Variants in OTX1 observed in about 807,000 individuals in gnomAD.
The protein encoded by OTX1 is homeobox protein OTX1.
OTX1 carries 7 observed loss-of-function variants against 26.7 expected under a neutral mutation model. The observed-to-expected ratio is 0.26, with a 90% CI of 0.15 to 0.49. The LOEUF is 0.49. OTX1 is among the 20% of genes least tolerant of loss of function. OTX1 has a pLI of 0.98. For synonymous variants in OTX1, 216 were observed against 212.8 expected, an observed-to-expected ratio of 1.01 and a Z score of -0.13; for missense variants, 414 against 483.8, an observed-to-expected ratio of 0.86 and a Z score of 1.35.
intron 3 of OTX1, 186 bp from the exon 4 acceptor site, chr2:63,053,861 G>C: frequency 1.6e-6 from 1 of 610,230 alleles, no homozygotes; most frequent in Non-Finnish European, 2.9e-6. Context: ...GCTTCTAGTC[G>C]CACATCTGCA....
Position 63,055,458 on chromosome 2 carries a change from C to T in OTX1, c.250-43C>T, listed in dbSNP as rs2062056690. 6.4e-7 allele frequency: 1 copy of T among 1,574,102 alleles called. No homozygotes were observed. The highest frequency in any genetic ancestry group is 8.6e-7 in the Non-Finnish European group (1 of 1,156,370). Reference sequence around the variant, plus strand: ...CGGGGCGGTGGAGCAACAAGCTCCCCTAGCTCCCTTTGACCCACTCTCCCC... The same window carrying T: ...CGGGGCGGTGGAGCAACAAGCTCCCTTAGCTCCCTTTGACCCACTCTCCCC... On this transcript the variant is annotated intron_variant, in intron 4 of 4. Coordinates refer to ENST00000282549, the MANE Select transcript of OTX1 (RefSeq NM_014562.4). The surrounding 1 kb of genome is among the most constrained non-coding windows in gnomAD (Gnocchi z 5.2).
Position 63,054,217 on chromosome 2 carries a change from C to A in OTX1, c.249+19C>A. On this transcript the variant is annotated intron_variant, in intron 4 of 4. Coordinates refer to ENST00000282549, the MANE Select transcript of OTX1 (RefSeq NM_014562.4). Reference sequence around the variant, plus strand: ...AGTCCAGGTGCGCACTCCCCGGGCTCCAGGGTCTGGGTAGGGGAGCTGAGG... The same window carrying A: ...AGTCCAGGTGCGCACTCCCCGGGCTACAGGGTCTGGGTAGGGGAGCTGAGG... 1 of 1,571,862 alleles carries A rather than the reference C, an allele frequency of 6.4e-7. No homozygotes were observed. Among genetic ancestry groups the A allele is most frequent in the South Asian group, 1.2e-5 (1 of 84,346 alleles).
chr2:63,051,584 C>T (rs1021403677), intron 2 of OTX1: 1 of 152,364 alleles, frequency 6.6e-6, no homozygotes, highest in African/African-American at 2.4e-5. Context: ...TTCGCAAAGC[C>T]GTCGCAGCTT....
At position 63,055,406 on chromosome 2, in the gene OTX1, G is replaced by A; in HGVS notation, c.250-95G>A. 3 of 1,337,108 alleles carry A rather than the reference G, an allele frequency of 2.2e-6. No homozygotes were observed. Among genetic ancestry groups the A allele is most frequent in the Middle Eastern group, 2.7e-4 (1 of 3,704 alleles). The allele number at this position is 1,337,108 out of a possible 1,614,324, so 82.8% of individuals were successfully genotyped here. On this transcript the variant is annotated intron_variant, in intron 4 of 4. Coordinates refer to ENST00000282549, the MANE Select transcript of OTX1 (RefSeq NM_014562.4). This position sits in a 1 kb window ranked among gnomAD's most constrained non-coding sequence, Gnocchi z 5.2. ...GGAGGCCTCGGTGAGAAAGGATTGC[G>A]ATATTCTGGACCGGGAGTTGGGTCC... is the stretch of plus-strand genomic sequence containing the variant.
rs2062069710 is a variant in OTX1, at chr2:63,056,563, A to C, written c.*247A>C. On this transcript the variant is annotated 3_prime_UTR_variant, in exon 5 of 5. Coordinates refer to ENST00000282549, the MANE Select transcript of OTX1 (RefSeq NM_014562.4). ...CTTCGGCTTGGCCTACACATTCTAT[A>C]CAGGAGAGATGTATTATTTCCCCCC... 6 of 575,330 alleles carry C rather than the reference A, an allele frequency of 1.0e-5. No homozygotes were observed. In the Middle Eastern group the frequency reaches 1.8e-3, roughly 174 times the overall value. The allele number at this position is 575,330 out of a possible 1,614,324, so 35.6% of individuals were successfully genotyped here.
Position 63,056,404 on chromosome 2 carries a change from GCCTCGT to G in OTX1, c.*90_*95del, listed in dbSNP as rs2062068488. ...TGCTGCTGCTGCACCGCCCGCCTTT[GCCTCGT>G]CTTCTCCAAAACTGAATTTTCACCC... On this transcript the variant is annotated 3_prime_UTR_variant, in exon 5 of 5. Coordinates refer to ENST00000282549, the MANE Select transcript of OTX1 (RefSeq NM_014562.4). 4.2e-6 allele frequency: 5 copies of G among 1,198,022 alleles called. No individual in the cohort carries two copies. The South Asian group carries it at 5.7e-5, about 14-fold the overall frequency. The allele number at this position is 1,198,022 out of a possible 1,614,324, so 74.2% of individuals were successfully genotyped here. A position where few individuals can be genotyped will look rare whatever the true frequency, so the allele number is the denominator to read the frequency against.
In OTX1 at chr2:63,055,401, A is replaced by G. The variant is rs569334259; in HGVS notation, c.250-100A>G. 5 of 1,299,632 alleles carry G rather than the reference A, an allele frequency of 3.8e-6. No individual in the cohort carries two copies. In the African/African-American group the frequency reaches 5.9e-5, roughly 15 times the overall value. 80.5% of individuals were successfully genotyped at this position (1,299,632 alleles called of 1,614,324 possible). A position where few individuals can be genotyped will look rare whatever the true frequency, so the allele number is the denominator to read the frequency against. On this transcript the variant is annotated intron_variant, in intron 4 of 4. Coordinates refer to ENST00000282549, the MANE Select transcript of OTX1 (RefSeq NM_014562.4). The surrounding 1 kb of genome is among the most constrained non-coding windows in gnomAD (Gnocchi z 5.2). ...GGGGCGGAGGCCTCGGTGAGAAAGG[A>G]TTGCGATATTCTGGACCGGGAGTTG...
In OTX1 at chr2:63,052,881, C is replaced by A; in HGVS notation, c.-110C>A. 1 of 688,488 alleles carries A rather than the reference C, an allele frequency of 1.5e-6. No homozygotes were observed. Among genetic ancestry groups the A allele is most frequent in the Non-Finnish European group, 2.5e-6 (1 of 400,064 alleles). 42.6% of individuals were successfully genotyped at this position (688,488 alleles called of 1,614,324 possible). A position where few individuals can be genotyped will look rare whatever the true frequency, so the allele number is the denominator to read the frequency against. On this transcript the variant is annotated splice_region_variant and 5_prime_UTR_variant, in exon 3 of 5. Transcript: ENST00000282549. ...TCCGTGTGTCTCGTGTCTTCATAGGCCAGGCCCCCAGACGCATCAGACCCT... is the reference window on the plus strand; with the variant it reads ...TCCGTGTGTCTCGTGTCTTCATAGGACAGGCCCCCAGACGCATCAGACCCT...
In OTX1 at chr2:63,056,349, T is replaced by C. The variant is rs764419926; in HGVS notation, c.*33T>C. The C allele has an allele frequency of 6.4e-7, 1 of 1,556,716 alleles. No individual in the cohort carries two copies. Among genetic ancestry groups the C allele is most frequent in the Non-Finnish European group, 8.8e-7 (1 of 1,138,340 alleles). On this transcript the variant is annotated 3_prime_UTR_variant, in exon 5 of 5. Coordinates refer to ENST00000282549, the MANE Select transcript of OTX1 (RefSeq NM_014562.4). ...AATGAAAGAGGAGAAGAAACGCAAC[T>C]ACCTGCGCCCTCCGTGGTCCCGATC...
rs1353920473 is a variant in OTX1, at chr2:63,054,463, C to T, written c.249+265C>T. ...GTATCGAAAGTACTTTTTAGAATTG[C>T]CGGAGGACTAGGGAAGCTCCCGAAT... On this transcript the variant is annotated intron_variant, in intron 4 of 4. Transcript: ENST00000282549. Among the ~76,000 whole-genome samples, 4 of 152,246 alleles carry T rather than the reference C, an allele frequency of 2.6e-5. No individual in the cohort carries two copies. In the East Asian group the frequency reaches 7.7e-4, roughly 29 times the overall value.
chr2:63,052,370 GA>G (rs1212618440), intron 2 of OTX1, among the ~76,000 whole-genome samples: 4 of 152,290 alleles, frequency 2.6e-5, no homozygotes, highest in African/African-American at 9.6e-5. Context: ...CGCAGCCCTG[GA>G]GACCTTTAAA....
At chr2:63,054,023 C>T in intron 3 of OTX1, 24 bp from the exon 4 acceptor site, 14 of 1,604,214 alleles carry the variant, frequency 8.7e-6, no homozygotes, top group Non-Finnish European at 1.1e-5. Flanking sequence ...CAATGACCCG[C>T]GGCGCCCCCG....
In OTX1 at chr2:63,052,936, G is replaced by C. The variant is rs757472654; in HGVS notation, c.-55G>C. On this transcript the variant is annotated 5_prime_UTR_variant, in exon 3 of 5. Transcript: ENST00000282549. The stretch of plus-strand genomic sequence containing the variant: ...GACTGCGTGGTGGGAGCCCTGCACC[G>C]CTCCTGGCCCCGGGCCCCCTGGATC... The C allele has an allele frequency of 1.9e-5, 23 of 1,229,390 alleles. No individual in the cohort carries two copies. Among genetic ancestry groups the C allele is most frequent in the Non-Finnish European group, 2.5e-5 (21 of 844,708 alleles). The allele number at this position is 1,229,390 out of a possible 1,614,324, so 76.2% of individuals were successfully genotyped here. A position where few individuals can be genotyped will look rare whatever the true frequency, so the allele number is the denominator to read the frequency against.
At chr2:63,053,820 GA>G in intron 3 of OTX1, 1 of 565,682 alleles carries the variant, frequency 1.8e-6, no homozygotes, top group South Asian at 2.2e-5. Flanking sequence ...GAGGCATAGA[GA>G]GGGGCAGCCC....
At chr2:63,052,740 G>A in intron 2 of OTX1, 140 bp from the exon 3 acceptor site, 1 of 479,222 alleles carries the variant, frequency 2.1e-6, no homozygotes, top group South Asian at 2.9e-5. Flanking sequence ...AGTAACTGTG[G>A]TTTCTGGGCT....
rs1454972295 is a variant in OTX1, at chr2:63,057,179, A to G, written c.*863A>G. 1 of 151,840 alleles carries G rather than the reference A, an allele frequency of 6.6e-6. No homozygotes were observed. The highest frequency in any genetic ancestry group is 2.4e-5 in the African/African-American group (1 of 41,336). 9.4% of individuals were successfully genotyped at this position (151,840 alleles called of 1,614,324 possible). ...TATATACACATATATAAAAAACAAA[A>G]GCAAAAAATATTTTCCCTCTGTCCG... On this transcript the variant is annotated 3_prime_UTR_variant, in exon 5 of 5. Coordinates refer to ENST00000282549, the MANE Select transcript of OTX1 (RefSeq NM_014562.4).
At position 63,056,330 on chromosome 2, in the gene OTX1, AGAG is replaced by A. The variant is rs764977718; in HGVS notation, c.*18_*20del. ...CAGGTCTTGTGAGCCCAGGAATGAA[AGAG>A]GAGAAGAAACGCAACTACCTGCGCC... is the stretch of plus-strand genomic sequence containing the variant. On this transcript the variant is annotated 3_prime_UTR_variant, in exon 5 of 5. Transcript: ENST00000282549. 1.2e-5 allele frequency: 19 copies of A among 1,597,158 alleles called. No homozygotes were observed. The highest frequency in any genetic ancestry group is 1.5e-5 in the Non-Finnish European group (18 of 1,169,018).
At chr2:63,053,961 TG>T in intron 3 of OTX1, 85 bp from the exon 4 acceptor site, 1 of 1,468,080 alleles carries the variant, frequency 6.8e-7, no homozygotes. Flanking sequence ...GGCCGAGATC[TG>T]GGCCTGCCAG....
chr2:63,056,585 C>T lies in OTX1; in HGVS notation c.*269C>T, dbSNP rs1314396093. The T allele has an allele frequency of 1.1e-5, 6 of 522,534 alleles. No homozygotes were observed. The highest frequency in any genetic ancestry group is 2.1e-5 in the Non-Finnish European group (6 of 291,192). 32.4% of individuals were successfully genotyped at this position (522,534 alleles called of 1,614,324 possible). On this transcript the variant is annotated 3_prime_UTR_variant, in exon 5 of 5. Coordinates refer to ENST00000282549, the MANE Select transcript of OTX1 (RefSeq NM_014562.4). Reference sequence around the variant, plus strand: ...TATACAGGAGAGATGTATTATTTCCCCCCTTCAGCCCCTACTAAACTCTTA... The same window carrying T: ...TATACAGGAGAGATGTATTATTTCCTCCCTTCAGCCCCTACTAAACTCTTA...
Sources: gnomAD v4.1 joint callset for allele counts (sites outside exome capture counted in the v4.1 genomes callset) on GRCh38, gnomAD v4.1.1 for gene constraint, Gnocchi (gnomAD v3.1) non-coding constraint, MANE v1.5 for transcripts, NCBI Gene and HGNC (gene_info 2026-07-23, HGNC 2026-07-21) for gene names.